Variants in NTM observed in about 807,000 individuals in gnomAD.
NTM encodes neurotrimin, also known as IgLON family member 2.
A neutral mutation model predicts 42.1 loss-of-function variants in NTM; 13 were observed. That is an observed-to-expected ratio of 0.31 (90% confidence interval 0.20 to 0.49). NTM has a LOEUF of 0.49. NTM is among the 20% of genes least tolerant of loss of function. The pLI is 0.99. For missense variants in NTM, 373 were observed against 452.8 expected, an observed-to-expected ratio of 0.82 and a Z score of 1.60; for synonymous variants, 187 against 179.2, an observed-to-expected ratio of 1.04 and a Z score of -0.35.
At chr11:131,756,374 G>A (rs1315292001) in intron 1 of NTM, among the ~76,000 whole-genome samples, 6 of 151,954 alleles carry the variant, frequency 3.9e-5, no homozygotes, top group African/African-American at 7.3e-5. Context: ...ACTTGAGCCC[G>A]GGAGTTCAAG....
At chr11:132,205,159 G>T (rs754582030) in intron 3 of NTM, among the ~76,000 whole-genome samples, 6 of 152,150 alleles carry the variant, frequency 3.9e-5, no homozygotes, top group Non-Finnish European at 7.4e-5. Flanking sequence ...AGATAGAGGA[G>T]AGGCAGGAGG....
intron 1 of NTM, among the ~76,000 whole-genome samples, chr11:131,761,101 C>A (rs573285852): frequency 1.3e-5 from 2 of 152,082 alleles, no homozygotes; most frequent in Non-Finnish European, 2.9e-5. Context: ...GGACAGAACT[C>A]TTGATGAAAA....
At chr11:131,797,658 A>G (rs568417795) in intron 1 of NTM, among the ~76,000 whole-genome samples, 2 of 152,364 alleles carry the variant, frequency 1.3e-5, no homozygotes, top group Admixed American at 6.5e-5. Flanking sequence ...TCAATAATGC[A>G]GTTTAGAACA....
At chr11:131,413,969 T>TA (rs1330612646) in intron 1 of NTM, among the ~76,000 whole-genome samples, 5 of 152,258 alleles carry the variant, frequency 3.3e-5, no homozygotes, top group Middle Eastern at 3.4e-3. Flanking sequence ...GGTAGAGTAA[T>TA]AGAATCCTGG....
At chr11:132,300,665 T>C (rs1380157061) in intron 4 of NTM, among the ~76,000 whole-genome samples, 1 of 152,216 alleles carries the variant, frequency 6.6e-6, no homozygotes, top group Non-Finnish European at 1.5e-5. Context: ...GTGTGGGTTA[T>C]GTGGGTAGCT....
At chr11:132,052,125 TAAAG>T (rs2078938906) in intron 2 of NTM, among the ~76,000 whole-genome samples, 4 of 152,280 alleles carry the variant, frequency 2.6e-5, no homozygotes, top group African/African-American at 9.6e-5. Flanking sequence ...ATTGGGGTGT[TAAAG>T]AAATATGTGA....
At chr11:132,212,371 G>A (rs568183823) in intron 4 of NTM, among the ~76,000 whole-genome samples, 23 of 152,216 alleles carry the variant, frequency 1.5e-4, no homozygotes, top group African/African-American at 5.1e-4. Context: ...CCAGTCCCTT[G>A]GAAATTAATC....
chr11:131,780,758 G>A (rs563722957), intron 1 of NTM, among the ~76,000 whole-genome samples: 1 of 152,300 alleles, frequency 6.6e-6, no homozygotes, highest in African/African-American at 2.4e-5. Context: ...AGTACACGAA[G>A]CAGCCTTTAG....
chr11:132,316,424 C>T (rs1591969891), intron 7 of NTM, among the ~76,000 whole-genome samples: 1 of 152,306 alleles, frequency 6.6e-6, no homozygotes, highest in East Asian at 1.9e-4. Context: ...CCCTGTGCCT[C>T]CTTTGGGACG....
chr11:131,904,568 G>T (rs550705941), intron 1 of NTM, among the ~76,000 whole-genome samples: 1 of 152,196 alleles, frequency 6.6e-6, no homozygotes, highest in East Asian at 1.9e-4. Context: ...ATGGAGACCT[G>T]AGCGTGTTGG....
At chr11:131,671,262 C>G (rs1425630053) in intron 1 of NTM, among the ~76,000 whole-genome samples, 1 of 152,210 alleles carries the variant, frequency 6.6e-6, no homozygotes, top group Non-Finnish European at 1.5e-5. Flanking sequence ...GAGGCATAAT[C>G]AGCCTAGAAG....
At chr11:131,886,818 T>A (rs1051200419) in intron 1 of NTM, among the ~76,000 whole-genome samples, 6 of 152,200 alleles carry the variant, frequency 3.9e-5, no homozygotes, top group African/African-American at 1.4e-4. Flanking sequence ...TCTCCATACA[T>A]CCCTGAGGAA....
intron 2 of NTM, among the ~76,000 whole-genome samples, chr11:131,914,653 G>A (rs2055964684): frequency 6.6e-6 from 1 of 152,148 alleles, no homozygotes; most frequent in African/African-American, 2.4e-5. Context: ...TGGAGGTATT[G>A]GGAAATGTTT....
chr11:132,272,602 T>G lies in NTM; in HGVS notation c.527-35087T>G, dbSNP rs117952522. ...AAAGTTTGTCACTATTTTATTAAAT[T>G]TATTGCTAAGCATTTTATTCTTTTT... On this transcript the variant is annotated intron_variant, in intron 4 of 8. Transcript: ENST00000683400. Among the ~76,000 whole-genome samples the G allele has an allele frequency of 2.6e-3, 400 of 152,266 alleles. 4 individuals are homozygous for G. The East Asian group carries it at 0.03, about 11-fold the overall frequency.
intron 1 of NTM, among the ~76,000 whole-genome samples, chr11:131,814,736 G>C (rs1206840274): frequency 6.6e-6 from 1 of 152,108 alleles, no homozygotes; most frequent in Non-Finnish European, 1.5e-5. Flanking sequence ...CCACTGTCCT[G>C]CCGGGCTACG....
intron 1 of NTM, chr11:131,536,955 C>G (rs889702942): frequency 1.3e-5 from 2 of 152,146 alleles, no homozygotes; most frequent in African/African-American, 4.8e-5. Context: ...ATCCCTCTGC[C>G]CAGTGTTACA....
intron 1 of NTM, among the ~76,000 whole-genome samples, chr11:131,491,669 C>T (rs989980024): frequency 6.6e-6 from 1 of 152,066 alleles, no homozygotes; most frequent in Non-Finnish European, 1.5e-5. Context: ...AAATCACGTT[C>T]AGTGTAAAAT....
At chr11:131,898,670 C>T (rs181606990) in intron 1 of NTM, among the ~76,000 whole-genome samples, 104 of 152,340 alleles carry the variant, frequency 6.8e-4, no homozygotes, top group African/African-American at 2.3e-3. Context: ...GAAGGGTGTT[C>T]TCATCCCTAC....
intron 2 of NTM, among the ~76,000 whole-genome samples, chr11:132,140,441 T>C (rs1258968556): frequency 6.6e-6 from 1 of 152,218 alleles, no homozygotes; most frequent in Admixed American, 6.5e-5. Flanking sequence ...TCCGTTTTCT[T>C]ATGTCATGCA....
Sources: allele counts gnomAD v4.1 joint callset (sites outside exome capture counted in the v4.1 genomes callset), GRCh38; gene constraint gnomAD v4.1.1; transcripts MANE v1.5; gene names NCBI Gene and HGNC (gene_info 2026-07-23, HGNC 2026-07-21).